The following GABRG3 variants were observed in gnomAD, a reference collection of about 807,000 sequenced individuals.
GABRG3 encodes the protein gamma-aminobutyric acid type A receptor subunit gamma3, also known as gamma-aminobutyric acid receptor subunit gamma-3.
In GABRG3, 25 loss-of-function variants were observed where a neutral mutation model predicts 48.8. The observed-to-expected ratio is 0.51, with a 90% CI of 0.37 to 0.72. The LOEUF (loss-of-function observed/expected upper bound fraction) is 0.72. Ranked by LOEUF, GABRG3 falls within the 30% of genes least tolerant of loss-of-function variation. The pLI, the probability that GABRG3 is intolerant of heterozygous loss-of-function variation, is 0.00. For synonymous variants in GABRG3, 227 were observed against 217.6 expected, an observed-to-expected ratio of 1.04 and a Z score of -0.38; for missense variants, 394 against 577.9, an observed-to-expected ratio of 0.68 and a Z score of 3.26.
rs111852965 is a variant in GABRG3 at position 27,506,428 on chromosome 15, G to A, written c.713-13544G>A. 1.4e-3 allele frequency among the ~76,000 whole-genome samples: 213 copies of A among 152,250 alleles called. 2 individuals are homozygous for A. Among genetic ancestry groups the A allele is most frequent in the African/African-American group, 4.2e-3 (176 of 41,546 alleles). Reference sequence around the variant, plus strand: ...TGGTCTTGCTGGCTTAAATAAGAACGCTGCCATATGGAAAGGAAAGGGGGA... The same window carrying A: ...TGGTCTTGCTGGCTTAAATAAGAACACTGCCATATGGAAAGGAAAGGGGGA... On this transcript the variant is annotated intron_variant, in intron 6 of 9. Transcript: ENST00000615808.
At position 27,029,466 on chromosome 15, in the gene GABRG3, C is replaced by T. The variant is rs566546176; in HGVS notation, c.270+2645C>T. Among the ~76,000 whole-genome samples the T allele has an allele frequency of 5.3e-5, 8 of 152,092 alleles. No homozygotes were observed. The South Asian group carries it at 1.7e-3, about 32-fold the overall frequency. ...ACACACACACACACACGCATGCACA[C>T]ATGCACACACTCGTGCACACACACA... is the stretch of plus-strand genomic sequence containing the variant. On this transcript the variant is annotated intron_variant, in intron 3 of 9. Transcript: ENST00000615808.
chr15:27,243,137 C>T (rs1890177435), intron 3 of GABRG3, among the ~76,000 whole-genome samples: 1 of 152,150 alleles, frequency 6.6e-6, no homozygotes. Context: ...TATCTTCTGC[C>T]TCTAGTGATA....
At chr15:27,412,119 C>G (rs1486697580) in intron 5 of GABRG3, among the ~76,000 whole-genome samples, 10 of 152,010 alleles carry the variant, frequency 6.6e-5, no homozygotes, top group Admixed American at 6.6e-4. Context: ...TTCAGTCATG[C>G]AAGTTTCCTA....
At position 27,016,899 on chromosome 15, in the gene GABRG3, A is replaced by C. The variant is rs1191253250; in HGVS notation, c.203-9855A>C. 2.6e-5 allele frequency among the ~76,000 whole-genome samples: 4 copies of C among 152,014 alleles called. No homozygotes were observed. The East Asian group carries it at 7.7e-4, about 29-fold the overall frequency. ...TATTGAGTAGTTCTCGTGAATTTTT[A>C]AATTCGCTTAATGTATTCCTCACTC... is the stretch of plus-strand genomic sequence containing the variant. On this transcript the variant is annotated intron_variant, in intron 2 of 9. Coordinates refer to ENST00000615808, the MANE Select transcript of GABRG3 (RefSeq NM_033223.5).
chr15:27,125,115 A>T (rs1459252817), intron 3 of GABRG3, among the ~76,000 whole-genome samples: 1 of 152,200 alleles, frequency 6.6e-6, no homozygotes, highest in Non-Finnish European at 1.5e-5. Context: ...ATGTAGTGTG[A>T]TGATATGCCG....
intron 5 of GABRG3, among the ~76,000 whole-genome samples, chr15:27,449,457 C>G (rs1457159573): frequency 1.3e-5 from 2 of 152,108 alleles, no homozygotes; most frequent in Non-Finnish European, 2.9e-5. Flanking sequence ...ATAAAAATCT[C>G]CATTTTGAAG....
rs1260635523 is a variant in GABRG3, at chr15:27,313,307, T to TATATATAC, written c.271-13499_271-13498insTATACATA. On this transcript the variant is annotated intron_variant, in intron 3 of 9. Transcript: ENST00000615808. Reference sequence around the variant, plus strand: ...ATATATATATATATATATATATATATATACCCAACATCAGCACACCAAAAT... The same window carrying TATATATAC: ...ATATATATATATATATATATATATATATATATACATACCCAACATCAGCACACCAAAAT... Among the ~76,000 whole-genome samples the TATATATAC allele has an allele frequency of 1.5e-4, 15 of 98,958 alleles. No individual in the cohort carries two copies. The East Asian group carries it at 2.2e-3, about 14-fold the overall frequency. The allele number at this position is 98,958 out of a possible 152,430, so 64.9% of individuals were successfully genotyped here. A position where few individuals can be genotyped will look rare whatever the true frequency, so the allele number is the denominator to read the frequency against.
intron 3 of GABRG3, among the ~76,000 whole-genome samples, chr15:27,147,075 A>T (rs1898222615): frequency 6.6e-6 from 1 of 152,092 alleles, no homozygotes; most frequent in South Asian, 2.1e-4. Context: ...AGTAAGTTGT[A>T]AATGAAAGGA....
chr15:27,329,950 T>C (rs1566788992), intron 5 of GABRG3, among the ~76,000 whole-genome samples: 1 of 152,194 alleles, frequency 6.6e-6, no homozygotes, highest in Non-Finnish European at 1.5e-5. Context: ...TTCTTTAAAA[T>C]TGCATATGGG....
At chr15:27,455,663 GTGTA>G (rs1421197231) in intron 5 of GABRG3, among the ~76,000 whole-genome samples, 1 of 151,288 alleles carries the variant, frequency 6.6e-6, no homozygotes, top group Non-Finnish European at 1.5e-5. Context: ...TGATGTGTGT[GTGTA>G]TGTGTGCTGT....
At chr15:27,435,249 C>T (rs981611461) in intron 5 of GABRG3, among the ~76,000 whole-genome samples, 1 of 150,710 alleles carries the variant, frequency 6.6e-6, no homozygotes, top group Non-Finnish European at 1.5e-5. Context: ...ACTCTTCCCC[C>T]TTTTATACTA....
chr15:27,520,185 A>C (rs1185725850), intron 7 of GABRG3, 61 bp downstream of exon 7: 1 of 1,413,606 alleles, frequency 7.1e-7, no homozygotes, highest in Non-Finnish European at 9.7e-7. Context: ...GCATTCATAA[A>C]AAATACCTTC....
chr15:27,433,741 G>A (rs1888526338), intron 5 of GABRG3, among the ~76,000 whole-genome samples: 1 of 152,156 alleles, frequency 6.6e-6, no homozygotes, highest in East Asian at 1.9e-4. Flanking sequence ...AGAGGCTGCT[G>A]AATAAATCAG....
intron 5 of GABRG3, among the ~76,000 whole-genome samples, chr15:27,399,539 T>TA (rs1887417451): frequency 6.6e-6 from 1 of 152,200 alleles, no homozygotes; most frequent in Non-Finnish European, 1.5e-5. Context: ...CGTTTCCAAT[T>TA]AATATATCAA....
At chr15:27,272,996 A>G (rs147671253) in intron 3 of GABRG3, among the ~76,000 whole-genome samples, 31 of 152,222 alleles carry the variant, frequency 2.0e-4, no homozygotes, top group Admixed American at 3.3e-4. Flanking sequence ...GCAACCATCG[A>G]CTACACATAA....
chr15:27,114,018 G>T (rs1178623963), intron 3 of GABRG3, among the ~76,000 whole-genome samples: 1 of 152,194 alleles, frequency 6.6e-6, no homozygotes, highest in Non-Finnish European at 1.5e-5. Context: ...AATCCATTGT[G>T]CTTATTCTTA....
chr15:27,120,910 T>C (rs1299858834), intron 3 of GABRG3, among the ~76,000 whole-genome samples: 2 of 152,194 alleles, frequency 1.3e-5, no homozygotes, highest in Non-Finnish European at 2.9e-5. Context: ...TGGGAGACTT[T>C]GCTCATTTTA....
chr15:27,189,507 A>G (rs570943835), intron 3 of GABRG3, among the ~76,000 whole-genome samples: 1 of 151,448 alleles, frequency 6.6e-6, no homozygotes, highest in African/African-American at 2.4e-5. Flanking sequence ...ATGGGAGTTC[A>G]CTCATGATTT....
intron 5 of GABRG3, among the ~76,000 whole-genome samples, chr15:27,436,181 G>A (rs1039619650): frequency 2.6e-5 from 4 of 152,194 alleles, no homozygotes; most frequent in African/African-American, 9.7e-5. Flanking sequence ...CAAGGCACTA[G>A]CAGATTAGAC....
Sources: gnomAD v4.1 joint callset for allele counts (sites outside exome capture counted in the v4.1 genomes callset) on GRCh38, gnomAD v4.1.1 for gene constraint, MANE v1.5 for transcripts, NCBI Gene and HGNC (gene_info 2026-07-23, HGNC 2026-07-21) for gene names.